UVRAG: variants seen among roughly 807,000 people sequenced by gnomAD.
UVRAG encodes the protein UV radiation resistance associated, also known as UV radiation resistance-associated gene protein.
Under a neutral mutation model 78.0 loss-of-function variants are expected in UVRAG, and 19 were observed. That is an observed-to-expected ratio of 0.24 (90% confidence interval 0.17 to 0.36). The LOEUF (loss-of-function observed/expected upper bound fraction) is 0.36. UVRAG is among the 10% of genes least tolerant of loss of function. UVRAG has a pLI of 1.00. For missense variants in UVRAG, 740 were observed against 853.8 expected (o/e 0.87, Z 1.66); for synonymous variants, 323 against 324.6 (o/e 1.00, Z 0.05).
intron 14 of UVRAG, among the ~76,000 whole-genome samples, chr11:76,121,644 G>A (rs1393768774): frequency 1.3e-5 from 2 of 152,162 alleles, no homozygotes; most frequent in Non-Finnish European, 2.9e-5. Context: ...CAGGTCCTCA[G>A]GCAGTGCCTC....
intron 4 of UVRAG, among the ~76,000 whole-genome samples, chr11:75,881,220 G>T (rs1319028925): frequency 2.0e-5 from 3 of 152,140 alleles, no homozygotes; most frequent in East Asian, 1.9e-4. Flanking sequence ...GCCAAGATAG[G>T]ATGTGCCTGT....
chr11:76,009,913 G>A (rs1950019655), intron 11 of UVRAG, among the ~76,000 whole-genome samples: 2 of 152,100 alleles, frequency 1.3e-5, no homozygotes, highest in South Asian at 2.1e-4. Context: ...AATAAGTGAG[G>A]TATACCAGTA....
At chr11:76,020,760 T>C (rs1950232082) in intron 12 of UVRAG, among the ~76,000 whole-genome samples, 1 of 146,772 alleles carries the variant, frequency 6.8e-6, no homozygotes, top group Non-Finnish European at 1.5e-5. Context: ...GTCCATTGCC[T>C]CTAAGGCCAG....
rs1025074065 is a variant in UVRAG at position 76,004,173 on chromosome 11, CTGG to C, written c.911+86_911+88del. On this transcript the variant is annotated intron_variant, in intron 9 of 14. Transcript: ENST00000356136. The stretch of plus-strand genomic sequence containing the variant: ...GAAAAAGTAGCATTCTTTAAAGCTG[CTGG>C]TATTAATTTATAGCCCATATACCTC... 23 of 1,375,794 alleles carry C rather than the reference CTGG, an allele frequency of 1.7e-5. No homozygotes were observed. In the Admixed American group the frequency reaches 4.0e-4, roughly 24 times the overall value. The allele number at this position is 1,375,794 out of a possible 1,614,324, so 85.2% of individuals were successfully genotyped here.
At position 76,004,056 on chromosome 11, in the gene UVRAG, T is replaced by C. The variant is rs912621490; in HGVS notation, c.878T>C (p.Leu293Pro). ...AAACTTCAACTCCAGAAGGAATCCC[T>C]AAATGAGCTGAGGAAGGAGTGCACT... ...HLKLQLQKES[L>P]NELRKECTAK... The change falls in exon 9 of 15, where the codon CTA becomes CCA. Residue 293 changes from leucine to proline, a missense_variant. Transcript: ENST00000356136. 1.9e-6 allele frequency: 3 copies of C among 1,613,914 alleles called. No homozygotes were observed. In the African/African-American group the frequency reaches 4.0e-5, roughly 22 times the overall value.
intron 6 of UVRAG, among the ~76,000 whole-genome samples, chr11:75,941,252 C>G (rs1948477615): frequency 6.6e-6 from 1 of 152,098 alleles, no homozygotes; most frequent in Non-Finnish European, 1.5e-5. Flanking sequence ...ATAGATGAAA[C>G]CAACTGTTTC....
At chr11:75,865,743 T>C (rs1946523725) in intron 3 of UVRAG, among the ~76,000 whole-genome samples, 1 of 152,068 alleles carries the variant, frequency 6.6e-6, no homozygotes, top group Non-Finnish European at 1.5e-5. Context: ...GCCTCCTGAG[T>C]AGCTGGGACT....
At chr11:75,832,618 G>A (rs2135824705) in intron 1 of UVRAG, among the ~76,000 whole-genome samples, 1 of 152,268 alleles carries the variant, frequency 6.6e-6, no homozygotes, top group Middle Eastern at 3.4e-3. Flanking sequence ...TTTCAGGGAG[G>A]TTCTATTAGG....
chr11:76,067,177 T>A (rs1951206291), intron 13 of UVRAG, among the ~76,000 whole-genome samples: 1 of 152,212 alleles, frequency 6.6e-6, no homozygotes, highest in Non-Finnish European at 1.5e-5. Context: ...CAGTTTATCA[T>A]TTGCTTCATC....
chr11:75,828,117 A>G (rs1945555608), intron 1 of UVRAG, among the ~76,000 whole-genome samples: 1 of 152,160 alleles, frequency 6.6e-6, no homozygotes, highest in Non-Finnish European at 1.5e-5. Flanking sequence ...ACAGGACTAT[A>G]CTCATTACAG....
rs374209542 is a variant in UVRAG, at chr11:75,927,330, A to G, written c.593+15291A>G. Among the ~76,000 whole-genome samples the G allele has an allele frequency of 9.9e-5, 15 of 152,182 alleles. No homozygotes were observed. In the East Asian group the frequency reaches 2.1e-3, roughly 22 times the overall value. On this transcript the variant is annotated intron_variant, in intron 6 of 14. Transcript: ENST00000356136. The stretch of plus-strand genomic sequence containing the variant: ...GTGATCCGTCTGCCTTGGCCTCCCA[A>G]AGTGCTGGGATTACAGGTGTGAGCC...
In UVRAG at chr11:75,958,228, A is replaced by T. The variant is rs1020200293; in HGVS notation, c.594-3216A>T. The stretch of plus-strand genomic sequence containing the variant: ...AAAATAAGACAACATGAAGTTTGAC[A>T]TATCAGTTGACTCTTCTTTCGTGAA... On this transcript the variant is annotated intron_variant, in intron 6 of 14. Transcript: ENST00000356136. 2.6e-5 allele frequency among the ~76,000 whole-genome samples: 4 copies of T among 152,154 alleles called. No homozygotes were observed. In the South Asian group the frequency reaches 8.3e-4, roughly 32 times the overall value.
At chr11:76,073,045 G>A (rs1186112616) in intron 13 of UVRAG, among the ~76,000 whole-genome samples, 1 of 152,120 alleles carries the variant, frequency 6.6e-6, no homozygotes, top group Non-Finnish European at 1.5e-5. Flanking sequence ...TCAGCTAGCA[G>A]TATTTGTCTT....
At chr11:75,820,043 G>C (rs1945351241) in intron 1 of UVRAG, among the ~76,000 whole-genome samples, 1 of 152,130 alleles carries the variant, frequency 6.6e-6, no homozygotes, top group Non-Finnish European at 1.5e-5. Flanking sequence ...CTGGAGTGCA[G>C]TTGGCTCACT....
intron 6 of UVRAG, among the ~76,000 whole-genome samples, chr11:75,937,100 T>C (rs551345415): frequency 6.6e-6 from 1 of 152,356 alleles, no homozygotes; most frequent in Admixed American, 6.5e-5. Context: ...CTGGGCGCGG[T>C]GGCTCACGCC....
intron 4 of UVRAG, among the ~76,000 whole-genome samples, chr11:75,887,621 G>T (rs1947112781): frequency 6.6e-6 from 1 of 151,708 alleles, no homozygotes; most frequent in Non-Finnish European, 1.5e-5. Context: ...CTAATTTTTT[G>T]TATTTTTAGT....
chr11:75,857,772 G>A (rs896372189), intron 2 of UVRAG, among the ~76,000 whole-genome samples: 1 of 151,174 alleles, frequency 6.6e-6, no homozygotes, highest in African/African-American at 2.4e-5. Context: ...ACAGGCCTGA[G>A]CCACTGTACT....
At chr11:76,009,110 G>T (rs1950003292) in intron 11 of UVRAG, among the ~76,000 whole-genome samples, 1 of 152,066 alleles carries the variant, frequency 6.6e-6, no homozygotes, top group South Asian at 2.1e-4. Flanking sequence ...TGGGCTTTAA[G>T]CAAATTAGAC....
chr11:76,130,663 C>T (rs897975533), intron 14 of UVRAG, among the ~76,000 whole-genome samples: 1 of 152,270 alleles, frequency 6.6e-6, no homozygotes, highest in East Asian at 1.9e-4. Context: ...ACAACTAAAC[C>T]CTCACAGTTT....
Sources: gnomAD v4.1 joint callset for allele counts (sites outside exome capture counted in the v4.1 genomes callset) on GRCh38, gnomAD v4.1.1 for gene constraint, MANE v1.5 for transcripts, NCBI Gene and HGNC (gene_info 2026-07-23, HGNC 2026-07-21) for gene names.